Variants in QTMAN observed in about 807,000 individuals in gnomAD.
QTMAN encodes the protein queuosine-tRNA mannosyltransferase, also known as tRNA-queuosine alpha-mannosyltransferase.
the QTMAN span, among the ~76,000 whole-genome samples, chr2:144,119,627 C>G: frequency 6.6e-6 from 1 of 152,204 alleles, no homozygotes; most frequent in African/African-American, 2.4e-5. Context: ...ATCTGACTGC[C>G]TGTAGGACCT....
At chr2:144,141,776 C>A in the QTMAN span, 1 of 778,320 alleles carries the variant, frequency 1.3e-6, no homozygotes, top group East Asian at 2.5e-5. Flanking sequence ...CTCTAACTAA[C>A]CATACTTATG....
the QTMAN span, among the ~76,000 whole-genome samples, chr2:144,129,542 G>A: frequency 6.6e-6 from 1 of 151,994 alleles, no homozygotes; most frequent in East Asian, 1.9e-4. Flanking sequence ...ACAGGACCAA[G>A]ATTCCAGTTT....
the QTMAN span, among the ~76,000 whole-genome samples, chr2:143,956,421 A>G: frequency 1.3e-5 from 2 of 152,152 alleles, no homozygotes; most frequent in East Asian, 1.9e-4. Flanking sequence ...ACACTTAGAT[A>G]TATCTGTATA....
the QTMAN span, among the ~76,000 whole-genome samples, chr2:144,323,559 T>C: frequency 6.6e-6 from 1 of 152,178 alleles, no homozygotes; most frequent in East Asian, 1.9e-4. Context: ...AGCGTTACTA[T>C]GATAATGGTT....
chr2:144,248,860 T>C, the QTMAN span, among the ~76,000 whole-genome samples: 2 of 152,158 alleles, frequency 1.3e-5, no homozygotes, highest in Non-Finnish European at 2.9e-5. Context: ...ATCTCACATA[T>C]ACTGTCTCTC....
chr2:144,133,150 T>TATATATAA, the QTMAN span, among the ~76,000 whole-genome samples: 1 of 38,482 alleles, frequency 2.6e-5, no homozygotes, highest in Non-Finnish European at 3.9e-5. Context: ...TATATATATA[T>TATATATAA]AATATAATAT....
the QTMAN span, among the ~76,000 whole-genome samples, chr2:144,221,408 C>A: frequency 6.6e-6 from 1 of 151,818 alleles, no homozygotes; most frequent in African/African-American, 2.4e-5. Flanking sequence ...ATATATATTG[C>A]CATGGGAAAA....
the QTMAN span, among the ~76,000 whole-genome samples, chr2:144,041,908 G>A: frequency 1.3e-5 from 2 of 152,096 alleles, no homozygotes; most frequent in Non-Finnish European, 2.9e-5. Flanking sequence ...GGTATAGCAG[G>A]GGCAGGATTT....
At chr2:144,133,163 T>TATA in the QTMAN span, among the ~76,000 whole-genome samples, 6 of 43,048 alleles carry the variant, frequency 1.4e-4, no homozygotes, top group East Asian at 4.8e-4. Context: ...TATAATATAA[T>TATA]ATATATATAA....
the QTMAN span, among the ~76,000 whole-genome samples, chr2:143,999,789 G>A: frequency 6.6e-6 from 1 of 152,126 alleles, no homozygotes; most frequent in Non-Finnish European, 1.5e-5. Flanking sequence ...ATACCATAAT[G>A]AAACAGCGTC....
the QTMAN span, among the ~76,000 whole-genome samples, chr2:143,991,197 T>C: frequency 6.6e-6 from 1 of 152,122 alleles, no homozygotes. Context: ...CTGAAGATAT[T>C]ATGGTAAATG....
At chr2:144,234,834 G>C in the QTMAN span, among the ~76,000 whole-genome samples, 2,812 of 152,252 alleles carry the variant, frequency 0.018, 39 homozygotes, top group Non-Finnish European at 0.027. Context: ...GAAAGGCAGT[G>C]GGGGAGTGAG....
chr2:144,213,200 T>C, the QTMAN span, among the ~76,000 whole-genome samples: 5 of 152,184 alleles, frequency 3.3e-5, no homozygotes, highest in African/African-American at 7.2e-5. Context: ...ATTAAAACTT[T>C]TTGTCACTGT....
chr2:144,214,594 C>T, the QTMAN span, among the ~76,000 whole-genome samples: 14 of 152,108 alleles, frequency 9.2e-5, no homozygotes, highest in African/African-American at 3.4e-4. Flanking sequence ...AGCAACATTT[C>T]GCTTTAATTC....
the QTMAN span, among the ~76,000 whole-genome samples, chr2:144,136,745 T>C: frequency 6.6e-6 from 1 of 152,164 alleles, no homozygotes; most frequent in Non-Finnish European, 1.5e-5. Flanking sequence ...GAAATCTGTC[T>C]TCTTGAAACA....
the QTMAN span, among the ~76,000 whole-genome samples, chr2:143,999,105 GT>G: frequency 6.6e-6 from 1 of 151,916 alleles, no homozygotes; most frequent in Non-Finnish European, 1.5e-5. Flanking sequence ...AAACAAAAAA[GT>G]TTCTGTCTCT....
the QTMAN span, among the ~76,000 whole-genome samples, chr2:143,973,738 G>C: frequency 1.3e-4 from 20 of 150,666 alleles, no homozygotes; most frequent in Non-Finnish European, 2.7e-4. Context: ...GCAGTGAGTC[G>C]AGATCGCGCC....
the QTMAN span, among the ~76,000 whole-genome samples, chr2:143,979,646 C>T: frequency 1.3e-5 from 2 of 152,266 alleles, no homozygotes; most frequent in South Asian, 2.1e-4. Context: ...ATTTTATAAA[C>T]GAGATCAACG....
chr2:144,184,652 G>C, the QTMAN span, among the ~76,000 whole-genome samples: 2 of 151,802 alleles, frequency 1.3e-5, no homozygotes, highest in Non-Finnish European at 2.9e-5. Context: ...TTACAGAAGG[G>C]ACTAAATATA....
Sources: gnomAD v4.1 joint callset for allele counts (sites outside exome capture counted in the v4.1 genomes callset) on GRCh38, gnomAD v4.1.1 for gene constraint, MANE v1.5 for transcripts, NCBI Gene and HGNC (gene_info 2026-07-23, HGNC 2026-07-21) for gene names.